Variants in HLCS observed in about 807,000 individuals in gnomAD.
HLCS encodes the protein holocarboxylase synthetase.
A neutral mutation model predicts 75.0 loss-of-function variants in HLCS; 53 were observed. The ratio of observed to expected loss-of-function variants is 0.71; its 90% confidence interval spans 0.57 to 0.89. HLCS has a LOEUF of 0.89. HLCS is among the 40% of genes least tolerant of loss of function. The pLI, the probability that HLCS is intolerant of heterozygous loss-of-function variation, is 0.00. For synonymous variants in HLCS, 431 were observed against 428.6 expected, an observed-to-expected ratio of 1.01 and a Z score of -0.07; for missense variants, 966 against 1,074.0, an observed-to-expected ratio of 0.90 and a Z score of 1.41.
At chr21:36,869,446 T>C (rs1012788767) in intron 6 of HLCS, among the ~76,000 whole-genome samples, 3 of 152,208 alleles carry the variant, frequency 2.0e-5, no homozygotes, top group African/African-American at 7.2e-5. Context: ...CGATGTTTAA[T>C]TTTAGATGAG....
chr21:36,899,737 T>C (rs929718681), intron 5 of HLCS, among the ~76,000 whole-genome samples: 1 of 152,230 alleles, frequency 6.6e-6, no homozygotes, highest in African/African-American at 2.4e-5. Context: ...TCACAGGCTC[T>C]GAGGACGGAG....
At chr21:36,784,350 T>C (rs899963640) in intron 6 of HLCS, among the ~76,000 whole-genome samples, 14 of 148,956 alleles carry the variant, frequency 9.4e-5, no homozygotes, top group African/African-American at 2.5e-5. Flanking sequence ...AGAGTCTTGC[T>C]CTTCACCCAG....
rs755460269 is a variant in HLCS at position 36,750,156 on chromosome 21, C to T, written c.*4090G>A. 1.7e-4 allele frequency among the ~76,000 whole-genome samples: 26 copies of T among 152,144 alleles called. No homozygotes were observed. The highest frequency in any genetic ancestry group is 3.5e-4 in the Non-Finnish European group (24 of 68,012). On this transcript the variant is annotated 3_prime_UTR_variant, in exon 11 of 11. Transcript: ENST00000674895. ...CACATTTAAGCTGGGGATAGCGTTT[C>T]TTGACTTCTGTGAGGCTCCGGCAGG...
chr21:36,918,650 A>G lies in HLCS; in HGVS notation c.1620+11601T>C, dbSNP rs996599551. Among the ~76,000 whole-genome samples the G allele has an allele frequency of 5.9e-5, 9 of 152,370 alleles. No individual in the cohort carries two copies. In the South Asian group the frequency reaches 6.2e-4, roughly 11 times the overall value. On this transcript the variant is annotated intron_variant, in intron 5 of 10. Transcript: ENST00000674895. ...GCAGAAAAGAGAGGGTGAGGAACTC[A>G]TGTTTAGTTCTGAAAGAGTAAGAGT...
At chr21:36,959,893 C>G (rs1368994888) in intron 2 of HLCS, among the ~76,000 whole-genome samples, 1 of 152,180 alleles carries the variant, frequency 6.6e-6, no homozygotes, top group Non-Finnish European at 1.5e-5. Flanking sequence ...TGAAACATGT[C>G]CCCGTACTCA....
chr21:36,906,677 CTTTTT>C (rs59652867), intron 5 of HLCS, among the ~76,000 whole-genome samples: 1 of 131,366 alleles, frequency 7.6e-6, no homozygotes, highest in Non-Finnish European at 1.6e-5. Flanking sequence ...TCCCAGAAGG[CTTTTT>C]TTTTTTTTTT....
rs766589766 is a variant in HLCS, at chr21:36,754,212, C to T, written c.*34G>A. The T allele has an allele frequency of 1.7e-5, 27 of 1,608,816 alleles. No individual in the cohort carries two copies. The highest frequency in any genetic ancestry group is 4.4e-5 in the South Asian group (4 of 90,814). ...AATTAGATTTCCAGATGCATGGGCA[C>T]GGACAGGCAGCCGCGTCTCGGGGAC... On this transcript the variant is annotated 3_prime_UTR_variant, in exon 11 of 11. Coordinates refer to ENST00000674895, the MANE Select transcript of HLCS (RefSeq NM_001352514.2).
At chr21:36,823,807 G>A (rs2835474) in intron 6 of HLCS, among the ~76,000 whole-genome samples, 71,593 of 151,944 alleles carry the variant, frequency 0.47, 19,548 homozygotes, top group African/African-American at 0.76. Flanking sequence ...AGAGCTACAT[G>A]GACCAGGCCT....
chr21:36,859,968 G>GAGTAAATA (rs2063327598), intron 6 of HLCS, among the ~76,000 whole-genome samples: 2 of 152,206 alleles, frequency 1.3e-5, no homozygotes, highest in African/African-American at 4.8e-5. Context: ...TCCTGAAATT[G>GAGTAAATA]TTCCTTGCAG....
intron 5 of HLCS, among the ~76,000 whole-genome samples, chr21:36,912,519 T>C (rs1414642286): frequency 6.6e-6 from 1 of 152,192 alleles, no homozygotes; most frequent in Admixed American, 6.5e-5. Flanking sequence ...TTATTCACTG[T>C]TACAGAGTTT....
intron 6 of HLCS, among the ~76,000 whole-genome samples, chr21:36,817,334 C>T (rs1395196931): frequency 2.0e-5 from 3 of 152,136 alleles, no homozygotes; most frequent in Non-Finnish European, 2.9e-5. Flanking sequence ...TGAGTCTTTC[C>T]ACCAAATGAC....
chr21:36,918,562 A>G (rs1016301961), intron 5 of HLCS, among the ~76,000 whole-genome samples: 5 of 152,220 alleles, frequency 3.3e-5, no homozygotes, highest in African/African-American at 1.2e-4. Context: ...CATCAACCCG[A>G]GCTGAAAGCA....
intron 6 of HLCS, among the ~76,000 whole-genome samples, chr21:36,792,729 C>T (rs988896165): frequency 6.6e-6 from 1 of 152,092 alleles, no homozygotes; most frequent in Admixed American, 6.5e-5. Context: ...CCCCAAGTAA[C>T]GAAGCCAACA....
At chr21:36,885,646 A>G (rs1223506111) in intron 6 of HLCS, among the ~76,000 whole-genome samples, 1 of 152,168 alleles carries the variant, frequency 6.6e-6, no homozygotes, top group Admixed American at 6.5e-5. Context: ...TTTAAATAAT[A>G]ATGAGAGTTC....
intron 6 of HLCS, among the ~76,000 whole-genome samples, chr21:36,879,258 A>G (rs8131621): frequency 0.36 from 54,923 of 152,128 alleles, 13,592 homozygotes; most frequent in African/African-American, 0.7. Context: ...TCCAGAAAAG[A>G]AAGATTGTAA....
intron 6 of HLCS, among the ~76,000 whole-genome samples, chr21:36,787,645 G>A (rs952197446): frequency 2.0e-5 from 3 of 152,120 alleles, no homozygotes; most frequent in Non-Finnish European, 4.4e-5. Flanking sequence ...AGAGGAGGCG[G>A]CACCTATATT....
chr21:36,952,789 C>CAAAAAAA (rs35700333), intron 2 of HLCS, among the ~76,000 whole-genome samples: 1 of 48,834 alleles, frequency 2.0e-5, no homozygotes, highest in African/African-American at 7.7e-5. Context: ...GACTCCGTCT[C>CAAAAAAA]AAAAAAAAAA....
At chr21:36,927,032 C>T (rs2066439496) in intron 5 of HLCS, among the ~76,000 whole-genome samples, 1 of 152,228 alleles carries the variant, frequency 6.6e-6, no homozygotes, top group Non-Finnish European at 1.5e-5. Flanking sequence ...AGGCTTGAGC[C>T]ACTGCACCTG....
chr21:36,834,840 C>T (rs1338154444), intron 6 of HLCS, among the ~76,000 whole-genome samples: 3 of 152,196 alleles, frequency 2.0e-5, no homozygotes, highest in Admixed American at 2.0e-4. Context: ...AGGCATGAGC[C>T]ACCACACCTG....
Sources: allele counts gnomAD v4.1 joint callset (sites outside exome capture counted in the v4.1 genomes callset), GRCh38; gene constraint gnomAD v4.1.1; transcripts MANE v1.5; gene names NCBI Gene and HGNC (gene_info 2026-07-23, HGNC 2026-07-21).